The following PCDH11X variants were observed in gnomAD, a reference collection of about 807,000 sequenced individuals.
PCDH11X encodes protocadherin 11 X-linked.
A neutral mutation model predicts 53.3 loss-of-function variants in PCDH11X; 18 were observed. The ratio of observed to expected loss-of-function variants is 0.34; its 90% CI spans 0.23 to 0.50. PCDH11X has a LOEUF of 0.50. PCDH11X is among the 20% of genes least tolerant of loss of function. The pLI is 0.98. For missense variants in PCDH11X, 570 were observed against 1,032.4 expected, an observed-to-expected ratio of 0.55 and a Z score of 6.14; for synonymous variants, 279 against 393.3, an observed-to-expected ratio of 0.71 and a Z score of 3.44.
intron 8 of PCDH11X, among the ~76,000 whole-genome samples, chrX:92,318,589 G>A (rs758046806): frequency 9.9e-5 from 11 of 111,274 alleles, no homozygotes; most frequent in Non-Finnish European, 2.1e-4. Flanking sequence ...TCTTGCACTG[G>A]TGTGAGGTCA....
At chrX:91,962,990 A>AG (rs2061812411) in intron 6 of PCDH11X, among the ~76,000 whole-genome samples, 1 of 110,868 alleles carries the variant, frequency 9.0e-6, no homozygotes, top group Non-Finnish European at 1.9e-5. Context: ...CAAAAAAAAA[A>AG]CATTTTTCCC....
chrX:92,086,668 T>A (rs763382279), intron 6 of PCDH11X, among the ~76,000 whole-genome samples: 2 of 111,391 alleles, frequency 1.8e-5, no homozygotes, highest in East Asian at 5.7e-4. Flanking sequence ...TATTTCATAT[T>A]TTATTGCACT....
intron 5 of PCDH11X, among the ~76,000 whole-genome samples, chrX:91,857,080 G>A (rs1185244850): frequency 9.0e-6 from 1 of 111,276 alleles, no homozygotes; most frequent in Admixed American, 9.6e-5. Flanking sequence ...GAAAAATAGG[G>A]TTAATTGACT....
chrX:92,446,452 C>A (rs1406519466), intron 9 of PCDH11X, among the ~76,000 whole-genome samples: 1 of 110,775 alleles, frequency 9.0e-6, no homozygotes, highest in Non-Finnish European at 1.9e-5. Context: ...ATGGGGCAGG[C>A]CTTTCCTGTG....
chrX:92,267,268 G>C (rs977875250), intron 8 of PCDH11X, among the ~76,000 whole-genome samples: 2 of 111,683 alleles, frequency 1.8e-5, no homozygotes, highest in East Asian at 2.8e-4. Context: ...AAATGGCCAG[G>C]CTTGTTAAAG....
chrX:92,217,246 A>T (rs2066740153), intron 7 of PCDH11X, among the ~76,000 whole-genome samples: 1 of 111,429 alleles, frequency 9.0e-6, no homozygotes, highest in Non-Finnish European at 1.9e-5. Flanking sequence ...CAATTAAAAG[A>T]CACAGACTGG....
intron 10 of PCDH11X, among the ~76,000 whole-genome samples, chrX:92,564,269 T>A (rs1388916792): frequency 9.4e-6 from 1 of 105,822 alleles, no homozygotes; most frequent in Non-Finnish European, 1.9e-5. Context: ...AAGAAAACAA[T>A]CCTAAAATGT....
At chrX:92,264,474 TTA>T (rs900298230) in intron 8 of PCDH11X, among the ~76,000 whole-genome samples, 1 of 111,040 alleles carries the variant, frequency 9.0e-6, no homozygotes, top group Non-Finnish European at 1.9e-5. Context: ...TACAGTGTGA[TTA>T]TATGTGTGTG....
intron 9 of PCDH11X, chrX:92,460,577 G>T: frequency 1.3e-6 from 1 of 774,575 alleles, no homozygotes; most frequent in Non-Finnish European, 1.9e-6. Context: ...CCAGTCCTTG[G>T]AGATCGACCT....
intron 6 of PCDH11X, among the ~76,000 whole-genome samples, chrX:92,138,770 T>C (rs1569381452): frequency 2.7e-5 from 3 of 111,118 alleles, no homozygotes; most frequent in Admixed American, 1.9e-4. Flanking sequence ...ATATTTAGTT[T>C]CATATTATTC....
intron 6 of PCDH11X, among the ~76,000 whole-genome samples, chrX:91,956,687 A>AT (rs1195396179): frequency 9.2e-6 from 1 of 109,157 alleles, no homozygotes; most frequent in Non-Finnish European, 1.9e-5. Flanking sequence ...CCCTTTTAAC[A>AT]TTTTTTCTTC....
intron 10 of PCDH11X, among the ~76,000 whole-genome samples, chrX:92,471,936 T>C (rs11797131): frequency 1.8e-5 from 2 of 111,695 alleles, no homozygotes; most frequent in Middle Eastern, 4.2e-3. Flanking sequence ...ATGTATTTTG[T>C]CACTTTTTAA....
At chrX:92,380,611 T>A (rs1489112736) in intron 8 of PCDH11X, among the ~76,000 whole-genome samples, 1 of 111,861 alleles carries the variant, frequency 8.9e-6, no homozygotes, top group Non-Finnish European at 1.9e-5. Context: ...CATTCCCTTA[T>A]CTAATTCCCA....
chrX:91,810,766 A>G (rs1936269259), intron 3 of PCDH11X, among the ~76,000 whole-genome samples, 188 bp downstream of exon 3: 1 of 111,997 alleles, frequency 8.9e-6, no homozygotes, highest in African/African-American at 3.2e-5. Flanking sequence ...AGGCATAACC[A>G]TTTTCCTCAG....
intron 7 of PCDH11X, among the ~76,000 whole-genome samples, chrX:92,246,514 G>A (rs774313630): frequency 9.0e-6 from 1 of 110,501 alleles, no homozygotes; most frequent in African/African-American, 3.3e-5. Context: ...ACCATGCCTG[G>A]CTAATTTTTG....
chrX:92,182,924 T>C (rs946517321), intron 6 of PCDH11X, among the ~76,000 whole-genome samples: 2 of 111,670 alleles, frequency 1.8e-5, no homozygotes, highest in Non-Finnish European at 3.8e-5. Context: ...CAGGTATTTT[T>C]AGTTTAACAA....
intron 6 of PCDH11X, among the ~76,000 whole-genome samples, chrX:92,037,901 T>G (rs2362513): frequency 0.16 from 10,247 of 64,360 alleles, 556 homozygotes; most frequent in East Asian, 0.35. Flanking sequence ...TATTTGTGGG[T>G]TTTTTTTTTT....
At chrX:92,277,147 T>C (rs6618939) in intron 8 of PCDH11X, among the ~76,000 whole-genome samples, 5,617 of 109,511 alleles carry the variant, frequency 0.051, 343 homozygotes, top group East Asian at 0.23. Flanking sequence ...AAAGACTCAG[T>C]GACGCTTGGG....
chrX:92,506,934 T>C (rs2074073915), intron 10 of PCDH11X, among the ~76,000 whole-genome samples: 1 of 110,174 alleles, frequency 9.1e-6, no homozygotes, highest in African/African-American at 3.3e-5. Context: ...CCTGGTTCAA[T>C]CTTCAGAGGT....
Sources: allele counts gnomAD v4.1 joint callset (sites outside exome capture counted in the v4.1 genomes callset), GRCh38; gene constraint gnomAD v4.1.1; transcripts MANE v1.5; gene names NCBI Gene and HGNC (gene_info 2026-07-23, HGNC 2026-07-21).